Variants in TBC1D1 observed in about 807,000 individuals in gnomAD.
TBC1D1 encodes the protein TBC1 domain family member 1.
A neutral mutation model predicts 125.6 loss-of-function variants in TBC1D1; 89 were observed. The observed-to-expected ratio is 0.71, with a 90% confidence interval of 0.60 to 0.85. The LOEUF is 0.85. Ranked by LOEUF, TBC1D1 falls within the 40% of genes least tolerant of loss-of-function variation. The probability of loss-of-function intolerance (pLI) is 0.00; values close to 1 mark genes in which losing one functional copy is unlikely to be tolerated. For synonymous variants in TBC1D1, 565 were observed against 564.1 expected, an observed-to-expected ratio of 1.00 and a Z score of -0.02; for missense variants, 1,377 against 1,469.2, an observed-to-expected ratio of 0.94 and a Z score of 1.03.
chr4:38,033,679 T>C (rs958796677), intron 7 of TBC1D1, among the ~76,000 whole-genome samples: 2 of 152,208 alleles, frequency 1.3e-5, no homozygotes, highest in African/African-American at 4.8e-5. Context: ...ATAGTTTCAC[T>C]GCCCTAAAAA....
At chr4:38,099,531 A>G (rs1402242919) in intron 14 of TBC1D1, among the ~76,000 whole-genome samples, 1 of 152,192 alleles carries the variant, frequency 6.6e-6, no homozygotes, top group East Asian at 1.9e-4. Context: ...TGGATGGTAA[A>G]TATATGCTTA....
intron 2 of TBC1D1, among the ~76,000 whole-genome samples, chr4:37,985,536 G>A (rs1038766677): frequency 1.3e-5 from 2 of 152,112 alleles, no homozygotes; most frequent in Admixed American, 6.5e-5. Context: ...TGCTGAGCCT[G>A]TTTTCTTGTG....
intron 2 of TBC1D1, among the ~76,000 whole-genome samples, chr4:37,990,240 C>T (rs761971363): frequency 5.3e-5 from 8 of 151,904 alleles, no homozygotes; most frequent in Non-Finnish European, 2.9e-5. Context: ...GTCCAGTCCA[C>T]GGCCTGTGGG....
intron 12 of TBC1D1, among the ~76,000 whole-genome samples, chr4:38,080,363 G>A (rs1756339242): frequency 2.0e-5 from 3 of 152,200 alleles, no homozygotes; most frequent in Non-Finnish European, 2.9e-5. Context: ...GTAACTCCAT[G>A]TGGTTACTGC....
chr4:37,898,441 G>C (rs984423987), intron 1 of TBC1D1, among the ~76,000 whole-genome samples: 1 of 152,216 alleles, frequency 6.6e-6, no homozygotes, highest in Non-Finnish European at 1.5e-5. Context: ...GGCATTGAGT[G>C]CCTGTGTTCC....
chr4:37,969,664 G>A (rs1731683996), intron 2 of TBC1D1, among the ~76,000 whole-genome samples: 1 of 152,174 alleles, frequency 6.6e-6, no homozygotes, highest in Admixed American at 6.5e-5. Flanking sequence ...TCCCTTTTAA[G>A]TGTGGGATCC....
intron 15 of TBC1D1, among the ~76,000 whole-genome samples, chr4:38,106,057 T>C (rs1355031252): frequency 6.6e-6 from 1 of 152,204 alleles, no homozygotes; most frequent in Non-Finnish European, 1.5e-5. Flanking sequence ...AGTGGCTCTT[T>C]ATTGCCTTTT....
At chr4:38,087,740 G>A (rs1757734073) in intron 12 of TBC1D1, among the ~76,000 whole-genome samples, 1 of 150,766 alleles carries the variant, frequency 6.6e-6, no homozygotes, top group East Asian at 1.9e-4. Flanking sequence ...TACTCACTCG[G>A]GAGTCTGAGG....
chr4:38,017,216 T>C (rs1215576194), intron 3 of TBC1D1, among the ~76,000 whole-genome samples: 1 of 152,224 alleles, frequency 6.6e-6, no homozygotes, highest in Non-Finnish European at 1.5e-5. Context: ...CTTCATTATG[T>C]AGGTAAAGAC....
intron 2 of TBC1D1, among the ~76,000 whole-genome samples, chr4:37,963,232 A>G (rs760261327): frequency 6.6e-6 from 1 of 152,230 alleles, no homozygotes; most frequent in Admixed American, 6.5e-5. Flanking sequence ...TTATAAAGAA[A>G]AGAGGTTTAA....
intron 6 of TBC1D1, among the ~76,000 whole-genome samples, chr4:38,024,093 T>G (rs1422163578): frequency 6.6e-6 from 1 of 152,224 alleles, no homozygotes; most frequent in Non-Finnish European, 1.5e-5. Context: ...TCTTAAGGTC[T>G]GGGAAGGGTC....
At chr4:38,097,569 C>T (rs775694265) in intron 14 of TBC1D1, among the ~76,000 whole-genome samples, 6 of 152,170 alleles carry the variant, frequency 3.9e-5, no homozygotes, top group Non-Finnish European at 5.9e-5. Context: ...GTCTCGATCT[C>T]CTGACCTCAT....
chr4:37,926,366 TG>T (rs1432205136), intron 2 of TBC1D1, among the ~76,000 whole-genome samples: 3 of 152,362 alleles, frequency 2.0e-5, no homozygotes, highest in Admixed American at 6.5e-5. Flanking sequence ...ATGGCACCTC[TG>T]TACAAATTAC....
At chr4:38,022,896 A>G (rs369355508) in intron 6 of TBC1D1, among the ~76,000 whole-genome samples, 2 of 152,182 alleles carry the variant, frequency 1.3e-5, no homozygotes, top group East Asian at 1.9e-4. Flanking sequence ...AACCCATGCT[A>G]TTGTGAAAAG....
chr4:38,068,735 G>A (rs1030888665), intron 12 of TBC1D1, among the ~76,000 whole-genome samples: 5 of 152,198 alleles, frequency 3.3e-5, no homozygotes, highest in Non-Finnish European at 5.9e-5. Flanking sequence ...TGTGGCTACC[G>A]TATTGTAAGC....
chr4:37,894,940 G>A (rs981587831), intron 1 of TBC1D1, among the ~76,000 whole-genome samples: 1 of 152,180 alleles, frequency 6.6e-6, no homozygotes, highest in South Asian at 2.1e-4. Flanking sequence ...ATTAGTGAGG[G>A]AACCCTTTGG....
intron 12 of TBC1D1, among the ~76,000 whole-genome samples, chr4:38,069,330 T>C (rs1328540757): frequency 6.6e-6 from 1 of 152,206 alleles, no homozygotes; most frequent in Non-Finnish European, 1.5e-5. Context: ...TGAGAGGAAG[T>C]TGTTTTCAGC....
intron 2 of TBC1D1, among the ~76,000 whole-genome samples, chr4:37,936,157 A>G (rs1361854702): frequency 6.6e-6 from 1 of 152,208 alleles, no homozygotes; most frequent in Non-Finnish European, 1.5e-5. Context: ...AAAACTGACG[A>G]TAGTACTGAA....
rs752035696 is a variant in TBC1D1 at position 38,133,164 on chromosome 4, C to T, written c.3213C>T (p.Ser1071=). 3.1e-6 allele frequency: 5 copies of T among 1,613,972 alleles called. No homozygotes were observed. In the African/African-American group the frequency reaches 4.0e-5, roughly 13 times the overall value. ...TCCTTCAAGAAGAACTTATCGATTCCTCTCCTCTCAGTGACAACCAAAGAA... is the reference window on the plus strand; with the variant it reads ...TCCTTCAAGAAGAACTTATCGATTCTTCTCCTCTCAGTGACAACCAAAGAA... Residue 1071 remains serine (S), a synonymous_variant, in exon 19 of 20, where the codon TCC becomes TCT. Coordinates refer to ENST00000261439, the MANE Select transcript of TBC1D1 (RefSeq NM_015173.4).
Sources: gnomAD v4.1 joint callset for allele counts (sites outside exome capture counted in the v4.1 genomes callset) on GRCh38, gnomAD v4.1.1 for gene constraint, MANE v1.5 for transcripts, NCBI Gene and HGNC (gene_info 2026-07-23, HGNC 2026-07-21) for gene names.